The following DCC variants were observed in gnomAD, a reference collection of about 807,000 sequenced individuals.
The protein encoded by DCC is DCC netrin 1 receptor.
A neutral mutation model predicts 172.5 loss-of-function variants in DCC; 58 were observed. The ratio of observed to expected loss-of-function variants is 0.34; its 90% CI spans 0.27 to 0.42. The LOEUF (loss-of-function observed/expected upper bound fraction) is 0.42. Ranked by LOEUF, DCC falls within the 10% of genes least tolerant of loss-of-function variation. DCC has a pLI of 1.00. For missense variants in DCC, 1,740 were observed against 1,791.0 expected (o/e 0.97, Z 0.51); for synonymous variants, 709 against 644.5 (o/e 1.10, Z -1.52).
chr18:52,385,318 C>A (rs938197446), intron 1 of DCC, among the ~76,000 whole-genome samples: 15 of 151,466 alleles, frequency 9.9e-5, no homozygotes, highest in African/African-American at 3.7e-4. Flanking sequence ...TTCTAGTACC[C>A]AGGCTGGAGT....
chr18:53,498,656 A>G (rs2046057584), intron 26 of DCC, among the ~76,000 whole-genome samples: 1 of 152,154 alleles, frequency 6.6e-6, no homozygotes, highest in Non-Finnish European at 1.5e-5. Flanking sequence ...AACTACCGTA[A>G]TCTGCCTGAA....
At chr18:53,515,086 A>G (rs1417049229) in intron 27 of DCC, among the ~76,000 whole-genome samples, 1 of 151,926 alleles carries the variant, frequency 6.6e-6, no homozygotes, top group South Asian at 2.1e-4. Context: ...CAGCACATCA[A>G]AAAGCTTATC....
intron 1 of DCC, among the ~76,000 whole-genome samples, chr18:52,563,898 C>A (rs2033096738): frequency 6.6e-6 from 1 of 152,104 alleles, no homozygotes; most frequent in East Asian, 1.9e-4. Context: ...TGCCAAAATC[C>A]CTGAGTCTCA....
At chr18:52,678,478 A>G (rs1769992867) in intron 1 of DCC, among the ~76,000 whole-genome samples, 1 of 152,186 alleles carries the variant, frequency 6.6e-6, no homozygotes, top group Non-Finnish European at 1.5e-5. Flanking sequence ...TTTGAAGAAA[A>G]TAAAGCAGAA....
At chr18:53,388,227 G>T (rs1251647315) in intron 16 of DCC, among the ~76,000 whole-genome samples, 1 of 152,162 alleles carries the variant, frequency 6.6e-6, no homozygotes, top group African/African-American at 2.4e-5. Context: ...AAAAAGGAAA[G>T]AAAACACTTT....
intron 5 of DCC, among the ~76,000 whole-genome samples, chr18:53,031,395 T>A (rs1011771899): frequency 5.9e-5 from 9 of 152,034 alleles, no homozygotes; most frequent in African/African-American, 1.9e-4. Flanking sequence ...TAAAATCAAC[T>A]TTTTTTCACT....
intron 17 of DCC, among the ~76,000 whole-genome samples, chr18:53,395,487 AGTT>A (rs770058954): frequency 5.3e-5 from 8 of 152,252 alleles, no homozygotes; most frequent in Middle Eastern, 6.8e-3. Context: ...TAAGACTTAG[AGTT>A]GTTCATGATC....
chr18:53,026,852 A>C (rs74329619), intron 5 of DCC, among the ~76,000 whole-genome samples: 3,487 of 152,160 alleles, frequency 0.023, 50 homozygotes, highest in Middle Eastern at 0.051. Flanking sequence ...CATAGCCACT[A>C]TGCCTGGCCT....
intron 12 of DCC, among the ~76,000 whole-genome samples, chr18:53,237,396 T>C (rs1033868772): frequency 6.6e-6 from 1 of 152,160 alleles, no homozygotes; most frequent in Non-Finnish European, 1.5e-5. Flanking sequence ...TTCTGTGAAG[T>C]AGTTATTGTC....
At chr18:52,501,262 A>T (rs938766679) in intron 1 of DCC, among the ~76,000 whole-genome samples, 2 of 152,132 alleles carry the variant, frequency 1.3e-5, no homozygotes, top group Admixed American at 1.3e-4. Context: ...TTTATTAAAG[A>T]TGGAGCAGGT....
chr18:52,902,093 A>G (rs1274540045), intron 2 of DCC, among the ~76,000 whole-genome samples: 1 of 152,222 alleles, frequency 6.6e-6, no homozygotes, highest in Non-Finnish European at 1.5e-5. Flanking sequence ...TCCATAAGAA[A>G]TACAGCCAAG....
In DCC at chr18:53,278,456, A is replaced by C. The variant is rs150471546; in HGVS notation, c.1912-27122A>C. Among the ~76,000 whole-genome samples the C allele has an allele frequency of 5.1e-3, 778 of 152,234 alleles. 4 individuals carry two copies. The highest frequency in any genetic ancestry group is 0.017 in the African/African-American group (717 of 41,546). ...TATGCATTATCAAGAATTATTATGA[A>C]GGGATCTGTTGTAATTAGTTGACAC... On this transcript the variant is annotated intron_variant, in intron 12 of 28. Transcript: ENST00000442544.
chr18:52,449,043 G>T (rs930762943), intron 1 of DCC, among the ~76,000 whole-genome samples: 4 of 152,208 alleles, frequency 2.6e-5, no homozygotes, highest in African/African-American at 9.6e-5. Context: ...CCTGGCTGGG[G>T]AAGCCTCACA....
intron 1 of DCC, among the ~76,000 whole-genome samples, chr18:52,629,947 C>T (rs141359532): frequency 1.6e-5 from 1 of 61,950 alleles, no homozygotes; most frequent in Admixed American, 2.3e-4. Flanking sequence ...AAGACTCCGT[C>T]TCAAAAAAAA....
At chr18:53,174,195 T>A in intron 8 of DCC, among the ~76,000 whole-genome samples, 1 of 141,090 alleles carries the variant, frequency 7.1e-6, no homozygotes, top group Non-Finnish European at 1.5e-5. Flanking sequence ...TAGAGGGAAA[T>A]TTACAGCACT....
chr18:52,824,643 C>A (rs2038474418), intron 2 of DCC, among the ~76,000 whole-genome samples: 1 of 152,082 alleles, frequency 6.6e-6, no homozygotes, highest in Admixed American at 6.6e-5. Context: ...GATGACAGAA[C>A]CCTTCATCTC....
At chr18:52,355,612 T>C (rs1984327725) in intron 1 of DCC, among the ~76,000 whole-genome samples, 1 of 152,342 alleles carries the variant, frequency 6.6e-6, no homozygotes, top group Middle Eastern at 3.4e-3. Flanking sequence ...TTAAAGGTAA[T>C]GTTTCATGTA....
chr18:52,814,313 C>T (rs2038251799), intron 2 of DCC, among the ~76,000 whole-genome samples: 1 of 152,168 alleles, frequency 6.6e-6, no homozygotes, highest in Non-Finnish European at 1.5e-5. Context: ...TCTGAGATAC[C>T]AGTAGCCTGA....
intron 2 of DCC, among the ~76,000 whole-genome samples, chr18:52,791,016 GT>G (rs1189735239): frequency 6.6e-6 from 1 of 152,182 alleles, no homozygotes. Flanking sequence ...AAGAGCTAAG[GT>G]GGCGGAATGG....
Sources: allele counts gnomAD v4.1 joint callset (sites outside exome capture counted in the v4.1 genomes callset), GRCh38; gene constraint gnomAD v4.1.1; transcripts MANE v1.5; gene names NCBI Gene and HGNC (gene_info 2026-07-23, HGNC 2026-07-21).